The following CDH26 variants were observed in gnomAD, a reference collection of about 807,000 sequenced individuals.
CDH26 encodes the protein cadherin-like protein 26.
CDH26 carries 83 observed loss-of-function variants against 90.3 expected under a neutral mutation model. The observed-to-expected ratio is 0.92, with a 90% CI of 0.77 to 1.10. The LOEUF (loss-of-function observed/expected upper bound fraction) is 1.10. Ranked by LOEUF, CDH26 falls within the 50% of genes least tolerant of loss-of-function variation. CDH26 has a pLI of 0.00. For synonymous variants in CDH26, 397 were observed against 396.3 expected (o/e 1.00, Z -0.02); for missense variants, 1,013 against 1,037.6 (o/e 0.98, Z 0.33).
downstream of CDH26, among the ~76,000 whole-genome samples, chr20:60,019,465 G>T (rs1485855274): frequency 1.3e-5 from 2 of 151,856 alleles, no homozygotes; most frequent in African/African-American, 4.8e-5. Flanking sequence ...TATTCTGCTT[G>T]GTCTTGTCCA....
downstream of CDH26, among the ~76,000 whole-genome samples, chr20:60,016,181 G>A (rs1481049026): frequency 6.6e-6 from 1 of 152,062 alleles, no homozygotes; most frequent in Non-Finnish European, 1.5e-5. Flanking sequence ...TTTTGATAGG[G>A]ATTGCATTGA....
At chr20:59,996,884 G>A (rs936690106) in intron 13 of CDH26, 123 bp downstream of exon 13, 1 of 1,291,038 alleles carries the variant, frequency 7.7e-7, no homozygotes, top group Non-Finnish European at 1.1e-6. Context: ...TGTTTCAGTA[G>A]CAAGTGGGAA....
Position 59,958,683 on chromosome 20 carries a change from T to G in CDH26, c.-44T>G, listed in dbSNP as rs1383316970. 3.1e-6 allele frequency: 5 copies of G among 1,593,248 alleles called. No individual in the cohort carries two copies. The highest frequency in any genetic ancestry group is 4.3e-6 in the Non-Finnish European group (5 of 1,161,544). On this transcript the variant is annotated 5_prime_UTR_variant, in exon 1 of 18. Transcript: ENST00000348616. ...CGGTGAGACCACCAGCTTGGAGGACTGGTCATCAGCTGCACGTTCTGGGTC... is the reference window on the plus strand; with the variant it reads ...CGGTGAGACCACCAGCTTGGAGGACGGGTCATCAGCTGCACGTTCTGGGTC...
chr20:59,964,554 G>A (rs1391291320), intron 1 of CDH26, among the ~76,000 whole-genome samples: 1 of 151,900 alleles, frequency 6.6e-6, no homozygotes, highest in Non-Finnish European at 1.5e-5. Context: ...TATAATGAGA[G>A]CACTTACAAA....
intron 7 of CDH26, among the ~76,000 whole-genome samples, chr20:60,023,104 TG>T (rs1395677421): frequency 6.6e-6 from 1 of 152,316 alleles, no homozygotes; most frequent in East Asian, 1.9e-4. Flanking sequence ...GGAATTAGAA[TG>T]TGATGGCTGG....
At position 60,012,559 on chromosome 20, in the gene CDH26, C is replaced by A. The variant is rs367599422; in HGVS notation, c.2328C>A (p.Asp776Glu). Reference sequence around the variant, plus strand: ...ATGTTGCCAATGTGCTGGAAGATGACCCCGGCTACCTACCTCACGTCTACA... The same window carrying A: ...ATGTTGCCAATGTGCTGGAAGATGAACCCGGCTACCTACCTCACGTCTACA... Reference protein sequence around the residue: ...KLHVANVLEDDPGYLPHVYSE... With the variant: ...KLHVANVLEDEPGYLPHVYSE... The change falls in exon 18 of 18, where the codon GAC (aspartate) becomes GAA (glutamate). Residue 776 changes from aspartate to glutamate, a missense_variant. Transcript: ENST00000348616. 1.1e-4 allele frequency: 171 copies of A among 1,613,922 alleles called. No individual in the cohort carries two copies. The highest frequency in any genetic ancestry group is 1.4e-4 in the Non-Finnish European group (167 of 1,179,964).
rs200558275 is a variant in CDH26, at chr20:59,999,633, A to C, written c.2067A>C (p.Thr689=). The stretch of plus-strand genomic sequence containing the variant: ...AGAGGCCGGCTCTGCTCATCTGCAC[A>C]GCTGCAGCAGGACCCACGCAGGGAG... The part of the protein sequence containing the change: ...EGQRPALLIC[T]AAAGPTQGVK... Residue 689 remains threonine (T), a synonymous_variant, in exon 14 of 18, where the codon ACA becomes ACC. Transcript: ENST00000348616. The C allele has an allele frequency of 4.3e-6, 7 of 1,614,020 alleles. No individual in the cohort carries two copies. Among genetic ancestry groups the C allele is most frequent in the Non-Finnish European group, 5.1e-6 (6 of 1,179,996 alleles).
chr20:59,981,628 G>A (rs2061396178), intron 4 of CDH26, among the ~76,000 whole-genome samples: 1 of 152,030 alleles, frequency 6.6e-6, no homozygotes, highest in African/African-American at 2.4e-5. Context: ...TGGTCATAAT[G>A]TACTATCCTT....
At chr20:59,995,712 A>G (rs1285772518) in intron 11 of CDH26, 121 bp from the exon 12 acceptor site, 1 of 820,302 alleles carries the variant, frequency 1.2e-6, no homozygotes, top group Non-Finnish European at 2.0e-6. Context: ...CCTCCCTCTA[A>G]CTCTGCAGTT....
rs145750066 is a variant in CDH26 at position 60,019,765 on chromosome 20, G to A, written c.948-11466G>A. 1.2e-4 allele frequency among the ~76,000 whole-genome samples: 18 copies of A among 152,190 alleles called. No homozygotes were observed. The East Asian group carries it at 3.1e-3, about 26-fold the overall frequency. ...TCCTTTGGAGGTGTCATGTTTCCTTGCCTGTTTTGTGTTTAATGTGTCCCT... is the reference window on the plus strand; with the variant it reads ...TCCTTTGGAGGTGTCATGTTTCCTTACCTGTTTTGTGTTTAATGTGTCCCT... On this transcript the variant is annotated intron_variant, in intron 7 of 8. Coordinates refer to the CDH26 transcript ENST00000370991.
In CDH26 at chr20:59,988,970, G is replaced by T. The variant is rs758776110; in HGVS notation, c.1090G>T (p.Val364Phe). Residue 364 changes from valine (V) to phenylalanine (F), a missense_variant, in exon 9 of 18, where the codon GTC becomes TTC. By Grantham distance (50) the Val-to-Phe change is conservative. Transcript: ENST00000348616. ...TGTCGTGGAGAATGAGGAGAGGCTC[G>T]TCTTCTGTGAGAGAGGAAAGCTTCA... ...IIVVENEERLVFCERGKLQPP... is the reference protein window; with the variant it reads ...IIVVENEERLFFCERGKLQPP... 2 of 1,613,992 alleles carry T rather than the reference G, an allele frequency of 1.2e-6. No homozygotes were observed. The highest frequency in any genetic ancestry group is 1.7e-6 in the Non-Finnish European group (2 of 1,180,028).
At chr20:59,980,977 A>G (rs1174714047) in intron 4 of CDH26, among the ~76,000 whole-genome samples, 1 of 152,078 alleles carries the variant, frequency 6.6e-6, no homozygotes, top group Non-Finnish European at 1.5e-5. Flanking sequence ...ATGAACATCT[A>G]ATTGTTTCAG....
At chr20:59,964,152 A>G (rs1267134412) in intron 1 of CDH26, among the ~76,000 whole-genome samples, 1 of 152,230 alleles carries the variant, frequency 6.6e-6, no homozygotes, top group African/African-American at 2.4e-5. Context: ...AATACTTCCA[A>G]GCATTTTGGG....
At chr20:60,008,987 A>T (rs1044950414) in intron 17 of CDH26, among the ~76,000 whole-genome samples, 1 of 152,196 alleles carries the variant, frequency 6.6e-6, no homozygotes, top group Non-Finnish European at 1.5e-5. Context: ...CTGGTGAGGA[A>T]GATGAAGGAT....
chr20:59,976,124 A>G (rs370164563), intron 4 of CDH26, among the ~76,000 whole-genome samples: 3 of 152,230 alleles, frequency 2.0e-5, no homozygotes, highest in Admixed American at 6.5e-5. Context: ...CCTATGCAGT[A>G]GCGATTTTGT....
chr20:60,029,204 C>A (rs115750647), intron 7 of CDH26, among the ~76,000 whole-genome samples: 3,169 of 152,176 alleles, frequency 0.021, 85 homozygotes, highest in African/African-American at 0.059. Context: ...TGTTTGTCAA[C>A]GGGTATAAAG....
intron 1 of CDH26, among the ~76,000 whole-genome samples, chr20:59,968,017 TTC>T (rs2061197356): frequency 9.1e-6 from 1 of 110,066 alleles, no homozygotes; most frequent in African/African-American, 4.2e-5. Context: ...CTTTCTTCCT[TTC>T]TCTCTGTCTC....
Position 59,985,120 on chromosome 20 carries a change from C to G in CDH26, c.828C>G (p.Thr276=), listed in dbSNP as rs765401401. The change falls in exon 7 of 18, where the codon ACC becomes ACG. Residue 276 remains threonine (T), a synonymous_variant. Coordinates refer to ENST00000348616, the MANE Select transcript of CDH26 (RefSeq NM_177980.4). The part of the protein sequence containing the change: ...QEGNNHRPAF[T]QENYKVQIPE... ...GCAACAACCACAGGCCTGCATTTAC[C>G]CAGGAGAACGTGAGGCTCCTGGGCC... 3 of 1,613,262 alleles carry G rather than the reference C, an allele frequency of 1.9e-6. No individual in the cohort carries two copies. Among genetic ancestry groups the G allele is most frequent in the South Asian group, 2.2e-5 (2 of 90,994 alleles).
At position 59,972,120 on chromosome 20, in the gene CDH26, C is replaced by G; in HGVS notation, c.390C>G (p.Phe130Leu). The G allele has an allele frequency of 6.2e-7, 1 of 1,613,378 alleles. No homozygotes were observed. Among genetic ancestry groups the G allele is most frequent in the Non-Finnish European group, 8.5e-7 (1 of 1,179,604 alleles). The change falls in exon 4 of 18, where the codon TTC becomes TTG. Residue 130 changes from phenylalanine (F) to leucine (L), a missense_variant. Coordinates refer to ENST00000348616, the MANE Select transcript of CDH26 (RefSeq NM_177980.4). ...TCGATCGAGAAATGACACCATCTTT[C>G]ACGGTATCTAAAACTTGATATATTC... Reference protein sequence around the residue: ...RPVDREMTPSFTVYFDVVERS... With the variant: ...RPVDREMTPSLTVYFDVVERS...
Sources: gnomAD v4.1 joint callset for allele counts (sites outside exome capture counted in the v4.1 genomes callset) on GRCh38, gnomAD v4.1.1 for gene constraint, MANE v1.5 for transcripts, NCBI Gene and HGNC (gene_info 2026-07-23, HGNC 2026-07-21) for gene names.